Variants in STK32B observed in about 807,000 individuals in gnomAD.
STK32B encodes the protein serine/threonine kinase 32B.
Under a neutral mutation model 52.6 loss-of-function variants are expected in STK32B, and 43 were observed. That is an observed-to-expected ratio of 0.82 (90% CI 0.64 to 1.05). The LOEUF is 1.05. STK32B is among the 50% of genes least tolerant of loss of function. The probability of loss-of-function intolerance (pLI) is 0.00; values close to 1 mark genes in which losing one functional copy is unlikely to be tolerated. For missense variants in STK32B, 621 were observed against 534.6 expected (o/e 1.16, Z -1.59); for synonymous variants, 238 against 204.3 (o/e 1.17, Z -1.41).
intron 11 of STK32B, among the ~76,000 whole-genome samples, chr4:5,479,234 C>A (rs901115469): frequency 6.6e-6 from 1 of 151,766 alleles, no homozygotes; most frequent in Non-Finnish European, 1.5e-5. Flanking sequence ...ATTCTCCTGC[C>A]TTAGCCTCCC....
chr4:5,202,548 G>C (rs1722235921), intron 3 of STK32B, among the ~76,000 whole-genome samples: 1 of 152,242 alleles, frequency 6.6e-6, no homozygotes, highest in African/African-American at 2.4e-5. Context: ...TTTCTTCTCT[G>C]CATTGATTGC....
At chr4:5,496,272 C>T (rs1425636792) in intron 11 of STK32B, among the ~76,000 whole-genome samples, 4 of 152,228 alleles carry the variant, frequency 2.6e-5, no homozygotes, top group African/African-American at 7.2e-5. Context: ...CTAAGCAAGC[C>T]TGGGCAATGG....
At chr4:5,412,801 G>T (rs1711807396) in intron 5 of STK32B, among the ~76,000 whole-genome samples, 1 of 152,138 alleles carries the variant, frequency 6.6e-6, no homozygotes, top group Non-Finnish European at 1.5e-5. Context: ...CCCTCTTTAT[G>T]AGTTTCCCTG....
At position 5,055,474 on chromosome 4, in the gene STK32B, A is replaced by G. The variant is rs543545370; in HGVS notation, c.52+3559A>G. Among the ~76,000 whole-genome samples the G allele has an allele frequency of 3.3e-5, 5 of 152,086 alleles. No homozygotes were observed. The South Asian group carries it at 8.3e-4, about 25-fold the overall frequency. ...CCCTACCCCCGTCACTGTCCCCTCA[A>G]TGCAGCATCCAGAGTGATCCTGTTA... On this transcript the variant is annotated intron_variant, in intron 1 of 11. Transcript: ENST00000282908.
At position 5,427,986 on chromosome 4, in the gene STK32B, G is replaced by A. The variant is rs151176569; in HGVS notation, c.562+11052G>A. ...CTTATTCTAGTCTCTTAAGGTGGAA[G>A]TTTAGGTAATTTGAGACTTGTCTTA... On this transcript the variant is annotated intron_variant, in intron 6 of 11. Coordinates refer to ENST00000282908, the MANE Select transcript of STK32B (RefSeq NM_018401.3). 3.7e-3 allele frequency among the ~76,000 whole-genome samples: 558 copies of A among 151,840 alleles called. 2 individuals are homozygous for A. The highest frequency in any genetic ancestry group is 0.013 in the African/African-American group (522 of 41,360).
rs116624688 is a variant in STK32B at position 5,131,349 on chromosome 4, C to T, written c.53-8556C>T. On this transcript the variant is annotated intron_variant, in intron 1 of 11. Coordinates refer to ENST00000282908, the MANE Select transcript of STK32B (RefSeq NM_018401.3). The stretch of plus-strand genomic sequence containing the variant: ...ACTGAGATCCTGCTTCCCTAGTTAC[C>T]GTCATGTGGCAATTTTATCTCCACC... Among the ~76,000 whole-genome samples the T allele has an allele frequency of 9.6e-3, 1,458 of 152,310 alleles. 16 individuals carry two copies. Among genetic ancestry groups the T allele is most frequent in the African/African-American group, 0.032 (1,326 of 41,570 alleles).
chr4:5,485,321 G>A (rs933432342), intron 11 of STK32B, among the ~76,000 whole-genome samples: 6 of 151,818 alleles, frequency 4.0e-5, no homozygotes, highest in African/African-American at 1.2e-4. Context: ...TTCTCTTCTC[G>A]ATTCTTTTCA....
chr4:5,054,847 T>A (rs553351027), intron 1 of STK32B, among the ~76,000 whole-genome samples: 2 of 152,332 alleles, frequency 1.3e-5, no homozygotes, highest in Non-Finnish European at 2.9e-5. Context: ...AGGACCGTCA[T>A]CCACATTCCT....
At chr4:5,219,219 GGCCACAGTCTT>G (rs1233327512) in intron 3 of STK32B, among the ~76,000 whole-genome samples, 2 of 152,164 alleles carry the variant, frequency 1.3e-5, no homozygotes, top group Non-Finnish European at 2.9e-5. Flanking sequence ...ACCCAGGAGG[GGCCACAGTCTT>G]GGGGCAGATG....
At chr4:5,093,726 A>C (rs1228846835) in intron 1 of STK32B, among the ~76,000 whole-genome samples, 1 of 152,094 alleles carries the variant, frequency 6.6e-6, no homozygotes, top group African/African-American at 2.4e-5. Context: ...AAAAAATGCC[A>C]TGTGATGCTA....
rs1324306449 is a variant in STK32B, at chr4:5,470,298, G to A, written c.1106+2228G>A. ...TGGACACCCCTGAGATTTGCAGTCA[G>A]CCTATGGACACCATTGAGATTTGGC... is the stretch of plus-strand genomic sequence containing the variant. On this transcript the variant is annotated intron_variant, in intron 11 of 11. Transcript: ENST00000282908. The surrounding 1 kb of genome is among the most constrained non-coding windows in gnomAD (Gnocchi z 4.6). Among the ~76,000 whole-genome samples, 1 of 152,202 alleles carries A rather than the reference G, an allele frequency of 6.6e-6. No homozygotes were observed. Among genetic ancestry groups the A allele is most frequent in the Non-Finnish European group, 1.5e-5 (1 of 68,048 alleles).
At chr4:5,372,452 C>T (rs930648582) in intron 4 of STK32B, among the ~76,000 whole-genome samples, 1 of 152,148 alleles carries the variant, frequency 6.6e-6, no homozygotes, top group Non-Finnish European at 1.5e-5. Flanking sequence ...GGACTCCCGA[C>T]CTCTCACTCC....
chr4:5,140,910 G>C (rs934655558), intron 2 of STK32B, among the ~76,000 whole-genome samples: 1 of 152,168 alleles, frequency 6.6e-6, no homozygotes, highest in African/African-American at 2.4e-5. Flanking sequence ...TTTAAAAAAT[G>C]AGAGAGATGC....
chr4:5,237,993 T>G (rs1197330635), intron 3 of STK32B, among the ~76,000 whole-genome samples: 1 of 152,204 alleles, frequency 6.6e-6, no homozygotes, highest in Non-Finnish European at 1.5e-5. Flanking sequence ...TTTTCTTATT[T>G]GAAAACGAGA....
chr4:5,437,433 T>TGTCTTCACATGGCC (rs1340781701), intron 6 of STK32B, among the ~76,000 whole-genome samples: 2 of 152,360 alleles, frequency 1.3e-5, no homozygotes, highest in East Asian at 3.9e-4. Context: ...GATCTGCCTT[T>TGTCTTCACATGGCC]GTCTTCACAT....
chr4:5,346,249 T>C (rs933269442), intron 4 of STK32B, among the ~76,000 whole-genome samples: 5 of 152,186 alleles, frequency 3.3e-5, no homozygotes, highest in Non-Finnish European at 7.3e-5. Context: ...AAGTAGCAAG[T>C]GTGATCAGGC....
chr4:5,138,363 T>C (rs1445341339), intron 1 of STK32B, among the ~76,000 whole-genome samples: 1 of 152,226 alleles, frequency 6.6e-6, no homozygotes, highest in Admixed American at 6.5e-5. Context: ...GCTTCCATTA[T>C]GTGGTGAACT....
At chr4:5,434,749 A>G (rs930209069) in intron 6 of STK32B, among the ~76,000 whole-genome samples, 1 of 152,224 alleles carries the variant, frequency 6.6e-6, no homozygotes, top group Non-Finnish European at 1.5e-5. Flanking sequence ...CACAGTCCCT[A>G]GCATCTAGAA....
chr4:5,228,098 A>G (rs1271403962), intron 3 of STK32B, among the ~76,000 whole-genome samples: 3 of 152,178 alleles, frequency 2.0e-5, no homozygotes, highest in African/African-American at 7.2e-5. Flanking sequence ...GATAACTTTG[A>G]GATTAAAAAG....
Sources: gnomAD v4.1 joint callset for allele counts (sites outside exome capture counted in the v4.1 genomes callset) on GRCh38, gnomAD v4.1.1 for gene constraint, Gnocchi (gnomAD v3.1) non-coding constraint, MANE v1.5 for transcripts, NCBI Gene and HGNC (gene_info 2026-07-23, HGNC 2026-07-21) for gene names.